The following RPL39 variants were observed in gnomAD, a reference collection of about 807,000 sequenced individuals.
RPL39 encodes the protein large ribosomal subunit protein eL39.
For synonymous variants in RPL39, 8 were observed against 11.4 expected (o/e 0.70, Z 0.60); for missense variants, 6 against 37.2 (o/e 0.16, Z 2.18).
At chrX:119,787,294 A>G in intron 2 of RPL39, 1 of 352,068 alleles carries the variant, frequency 2.8e-6, no homozygotes, top group South Asian at 2.6e-5. Context: ...GCCTCGCATG[A>G]TCTTTACAAT....
chrX:119,786,884 T>A, intron 2 of RPL39, 152 bp from the exon 3 acceptor site: 3 of 459,435 alleles, frequency 6.5e-6, no homozygotes, highest in Middle Eastern at 3.9e-4. Flanking sequence ...GTAAAAAAAA[T>A]AATTCCCTAT....
In RPL39 at chrX:119,791,491, C is replaced by T; in HGVS notation, c.3+83G>A. 5.3e-6 allele frequency: 5 copies of T among 935,912 alleles called. No individual in the cohort carries two copies. The East Asian group carries it at 1.5e-4, about 29-fold the overall frequency. The allele number at this position is 935,912 out of a possible 1,213,427, so 77.1% of individuals were successfully genotyped here. The stretch of plus-strand genomic sequence containing the variant: ...TTTAAAAGGCTCCCGCCCCTCAACG[C>T]TCCGCGCGGCCCAGGCATTTCCTGG... On this transcript the variant is annotated intron_variant, in intron 1 of 2. Transcript: ENST00000361575.
At chrX:119,787,218 A>T (rs2055671512) in intron 2 of RPL39, 2 of 264,650 alleles carry the variant, frequency 7.6e-6, no homozygotes, top group Non-Finnish European at 7.1e-6. Flanking sequence ...AACTGGCTGG[A>T]CTTCGAGATC....
At chrX:119,788,841 G>C (rs944952889) in intron 2 of RPL39, among the ~76,000 whole-genome samples, 2 of 112,411 alleles carry the variant, frequency 1.8e-5, no homozygotes. Flanking sequence ...GCTTTCCCTG[G>C]AGTTAGTCTA....
At chrX:119,786,868 T>C in intron 2 of RPL39, 136 bp from the exon 3 acceptor site, 1 of 482,552 alleles carries the variant, frequency 2.1e-6, no homozygotes, top group Non-Finnish European at 3.6e-6. Context: ...GAGTTCTTTC[T>C]GGAGAGTAAA....
At chrX:119,791,020 C>G (rs2055697489) in intron 1 of RPL39, 1 of 123,237 alleles carries the variant, frequency 8.1e-6, no homozygotes, top group African/African-American at 3.2e-5. Flanking sequence ...GAATGACACA[C>G]AGGTTCGCAA....
intron 1 of RPL39, chrX:119,790,483 C>G (rs909251623): frequency 8.8e-6 from 1 of 114,192 alleles, no homozygotes; most frequent in African/African-American, 3.2e-5. Context: ...AACAGGGGTA[C>G]GTACTTTTCA....
At chrX:119,786,860 GTTCT>G (rs1202440674) in intron 2 of RPL39, 128 bp from the exon 3 acceptor site, 11 of 506,697 alleles carry the variant, frequency 2.2e-5, no homozygotes, top group East Asian at 7.0e-5. Context: ...CAAGTTTGGA[GTTCT>G]TTCTGGAGAG....
Position 119,789,931 on chromosome X carries a change from C to A in RPL39, c.84G>T (p.Arg28=). Residue 28 remains arginine, a synonymous_variant, in exon 2 of 3, where the codon CGG becomes CGT. Coordinates refer to ENST00000361575, the MANE Select transcript of RPL39 (RefSeq NM_001000.4). ...ACCTGATTTTATTTCCAGTTTTCATCCGAATCCACTGGGGAATGGGACGAT... is the reference window on the plus strand; with the variant it reads ...ACCTGATTTTATTTCCAGTTTTCATACGAATCCACTGGGGAATGGGACGAT... ...KQNRPIPQWI[R]MKTGNKIRYN... 8.6e-7 allele frequency: 1 copy of A among 1,169,220 alleles called. No individual in the cohort carries two copies. The highest frequency in any genetic ancestry group is 1.8e-5 in the South Asian group (1 of 55,940).
chrX:119,790,247 C>T (rs772738437), intron 1 of RPL39: 110 of 305,386 alleles, frequency 3.6e-4, no homozygotes, highest in Non-Finnish European at 5.5e-4. Context: ...GAAACATGCA[C>T]AAAATCAGAG....
chrX:119,787,662 T>G (rs951223765), intron 2 of RPL39, among the ~76,000 whole-genome samples: 1 of 111,250 alleles, frequency 9.0e-6, no homozygotes, highest in African/African-American at 3.3e-5. Context: ...CATACATTTT[T>G]CTTTTTTTGA....
intron 2 of RPL39, among the ~76,000 whole-genome samples, chrX:119,789,098 C>T (rs945584764): frequency 9.0e-6 from 1 of 110,872 alleles, no homozygotes; most frequent in Non-Finnish European, 1.9e-5. Context: ...GACCCCATCT[C>T]TACAAAAAAT....
chrX:119,787,406 A>T (rs2055673325), intron 2 of RPL39: 2 of 373,644 alleles, frequency 5.4e-6, no homozygotes, highest in South Asian at 4.7e-5. Flanking sequence ...AAAATCAAAA[A>T]TGATTAACAC....
chrX:119,791,384 C>T (rs1442469406), intron 1 of RPL39, 190 bp downstream of exon 1: 1 of 338,401 alleles, frequency 3.0e-6, no homozygotes, highest in Non-Finnish European at 5.1e-6. Flanking sequence ...CGTCCCTCTC[C>T]AGGTTGCTCG....
At chrX:119,787,295 T>C (rs1241905729) in intron 2 of RPL39, 1 of 351,014 alleles carries the variant, frequency 2.8e-6, no homozygotes. Flanking sequence ...CCTCGCATGA[T>C]CTTTACAATC....
intron 2 of RPL39, chrX:119,787,292 T>C: frequency 2.8e-6 from 1 of 351,131 alleles, no homozygotes; most frequent in Middle Eastern, 4.6e-4. Flanking sequence ...TGGCCTCGCA[T>C]GATCTTTACA....
At position 119,786,658 on chromosome X, in the gene RPL39, AT is replaced by A; in HGVS notation, c.*25del. The A allele has an allele frequency of 9.1e-7, 1 of 1,104,777 alleles. No homozygotes were observed. Among genetic ancestry groups the A allele is most frequent in the South Asian group, 1.9e-5 (1 of 53,025 alleles). The allele number at this position is 1,104,777 out of a possible 1,213,427, so 91.0% of individuals were successfully genotyped here. ...ATCGTGACCTTCAGACAGCATAAAT[AT>A]GTGTGCCATCTCATGTGCAATTCCT... On this transcript the variant is annotated 3_prime_UTR_variant, in exon 3 of 3. Coordinates refer to ENST00000361575, the MANE Select transcript of RPL39 (RefSeq NM_001000.4).
chrX:119,790,500 A>C (rs964736504), intron 1 of RPL39: 2 of 113,151 alleles, frequency 1.8e-5, no homozygotes, highest in Admixed American at 9.4e-5. Context: ...TTCAAGTGTT[A>C]TTGGGAGGGT....
intron 2 of RPL39, among the ~76,000 whole-genome samples, chrX:119,786,978 G>A (rs1299174895): frequency 8.9e-6 from 1 of 112,124 alleles, no homozygotes; most frequent in Non-Finnish European, 1.9e-5. Context: ...GAGTAGTGGC[G>A]AAGCCCACTC....
Sources: gnomAD v4.1 joint callset for allele counts (sites outside exome capture counted in the v4.1 genomes callset) on GRCh38, gnomAD v4.1.1 for gene constraint, MANE v1.5 for transcripts, NCBI Gene and HGNC (gene_info 2026-07-23, HGNC 2026-07-21) for gene names.